Variants in SLC27A5 observed in about 807,000 individuals in gnomAD.
SLC27A5 encodes the protein solute carrier family 27 member 5.
In SLC27A5, 47 loss-of-function variants were observed where a neutral mutation model predicts 63.1. The observed-to-expected ratio is 0.74, with a 90% CI of 0.59 to 0.95. The LOEUF (loss-of-function observed/expected upper bound fraction) is 0.95, where lower values mean the gene tolerates loss of function less well. SLC27A5 is among the 40% of genes least tolerant of loss of function. The pLI, the probability that SLC27A5 is intolerant of heterozygous loss-of-function variation, is 0.00. For missense variants in SLC27A5, 940 were observed against 921.0 expected, an observed-to-expected ratio of 1.02 and a Z score of -0.27; for synonymous variants, 391 against 403.8, an observed-to-expected ratio of 0.97 and a Z score of 0.38.
intron 3 of SLC27A5, among the ~76,000 whole-genome samples, chr19:58,504,876 G>A (rs932284525): frequency 2.6e-5 from 4 of 151,618 alleles, no homozygotes; most frequent in African/African-American, 9.7e-5. Context: ...CGTGGTGGCG[G>A]TCACTTGTAG....
chr19:58,498,735 GC>G, intron 9 of SLC27A5, 44 bp from the exon 10 acceptor site: 2 of 1,609,512 alleles, frequency 1.2e-6, no homozygotes, highest in African/African-American at 1.3e-5. Context: ...ACATCCACCC[GC>G]CCCCTGGCTA....
At chr19:58,499,257 C>G in intron 7 of SLC27A5, 37 bp from the exon 8 acceptor site, 1 of 1,595,586 alleles carries the variant, frequency 6.3e-7, no homozygotes, top group Admixed American at 1.7e-5. Context: ...ACCACGCCCC[C>G]GGGAAGGAGA....
intron 3 of SLC27A5, among the ~76,000 whole-genome samples, chr19:58,506,073 A>G (rs2053343314): frequency 6.6e-6 from 1 of 151,148 alleles, no homozygotes; most frequent in Non-Finnish European, 1.5e-5. Flanking sequence ...ATCGCTCACA[A>G]GTGCTCACCA....
chr19:58,504,116 A>G (rs1460859321), intron 3 of SLC27A5, among the ~76,000 whole-genome samples: 1 of 152,102 alleles, frequency 6.6e-6, no homozygotes. Context: ...CTCTGTCTCT[A>G]AAAACAAAAC....
At chr19:58,501,226 C>G (rs1389345603) in intron 4 of SLC27A5, 60 bp downstream of exon 4, 20 of 1,583,058 alleles carry the variant, frequency 1.3e-5, no homozygotes, top group South Asian at 1.1e-5. Flanking sequence ...TTACCTGAGA[C>G]CTTTACCTGG....
intron 3 of SLC27A5, among the ~76,000 whole-genome samples, chr19:58,502,380 T>A (rs1176927255): frequency 3.5e-5 from 5 of 143,382 alleles, no homozygotes; most frequent in African/African-American, 7.8e-5. Flanking sequence ...AGTGAGTGAG[T>A]AGATGGATGG....
Position 58,511,966 on chromosome 19 carries a change from C to T in SLC27A5, c.-11G>A. On this transcript the variant is annotated 5_prime_UTR_variant, in exon 1 of 10. Coordinates refer to ENST00000263093, the MANE Select transcript of SLC27A5 (RefSeq NM_012254.3). ...TTGCCTGACACCCATGGTACCAGCTCCTCCCTAGGAGCAGCAGCTGTGGAG... is the reference window on the plus strand; with the variant it reads ...TTGCCTGACACCCATGGTACCAGCTTCTCCCTAGGAGCAGCAGCTGTGGAG... The T allele has an allele frequency of 6.5e-7, 1 of 1,527,976 alleles. No homozygotes were observed. Among genetic ancestry groups the T allele is most frequent in the Non-Finnish European group, 8.8e-7 (1 of 1,139,146 alleles). The allele number at this position is 1,527,976 out of a possible 1,614,324, so 94.7% of individuals were successfully genotyped here. A position where few individuals can be genotyped will look rare whatever the true frequency, so the allele number is the denominator to read the frequency against.
chr19:58,510,097 A>C, intron 2 of SLC27A5, 92 bp from the exon 3 acceptor site: 1 of 1,352,354 alleles, frequency 7.4e-7, no homozygotes, highest in South Asian at 1.4e-5. Flanking sequence ...AGCCAGGCCT[A>C]CATTGGGGTT....
chr19:58,501,492 A>T (rs2053273750), intron 3 of SLC27A5, 82 bp from the exon 4 acceptor site: 7 of 1,450,096 alleles, frequency 4.8e-6, no homozygotes, highest in Admixed American at 1.9e-5. Flanking sequence ...GTGCTCACCC[A>T]CCCCCACACC....
At chr19:58,506,712 C>T (rs1007312178) in intron 3 of SLC27A5, among the ~76,000 whole-genome samples, 53 of 150,430 alleles carry the variant, frequency 3.5e-4, no homozygotes, top group African/African-American at 1.2e-3. Flanking sequence ...CAGGTTGAAG[C>T]GATTTTCCTG....
intron 2 of SLC27A5, 187 bp from the exon 3 acceptor site, chr19:58,510,192 C>G (rs2053394159): frequency 5.5e-6 from 3 of 546,508 alleles, no homozygotes; most frequent in Non-Finnish European, 9.5e-6. Context: ...ATGTCAAGAT[C>G]AAAGGTTTCA....
chr19:58,499,360 G>T (rs1568626219), intron 7 of SLC27A5, 132 bp downstream of exon 7: 1 of 1,324,652 alleles, frequency 7.5e-7, no homozygotes, highest in Non-Finnish European at 1.0e-6. Context: ...CCGCCTTCGC[G>T]TGAGAAGTCC....
chr19:58,499,279 T>TCC, intron 7 of SLC27A5, 59 bp from the exon 8 acceptor site: 1 of 1,526,758 alleles, frequency 6.5e-7, no homozygotes, highest in Non-Finnish European at 8.9e-7. Flanking sequence ...GCCCCGCCTC[T>TCC]TGCCCCCGCC....
chr19:58,510,067 C>A, intron 2 of SLC27A5, 62 bp from the exon 3 acceptor site: 1 of 1,532,968 alleles, frequency 6.5e-7, no homozygotes. Context: ...GGGGCCTGAC[C>A]AGAGGGATAG....
At chr19:58,501,620 G>T (rs988487252) in intron 3 of SLC27A5, among the ~76,000 whole-genome samples, 2 of 152,150 alleles carry the variant, frequency 1.3e-5, no homozygotes, top group Non-Finnish European at 2.9e-5. Flanking sequence ...TGCCGGGAAA[G>T]CTCCGTGCCT....
chr19:58,500,754 T>C, intron 4 of SLC27A5, 48 bp from the exon 5 acceptor site: 1 of 1,594,782 alleles, frequency 6.3e-7, no homozygotes, highest in East Asian at 2.2e-5. Flanking sequence ...TCTTGGGGCA[T>C]GCCTTGGAAC....
chr19:58,510,668 C>G (rs1301832088), intron 2 of SLC27A5, 53 bp downstream of exon 2: 1 of 1,445,108 alleles, frequency 6.9e-7, no homozygotes, highest in African/African-American at 1.4e-5. Context: ...AGTGTGGGGT[C>G]AGGTCAGCCT....
At chr19:58,498,982 G>C in intron 8 of SLC27A5, 67 bp from the exon 9 acceptor site, 1 of 1,590,808 alleles carries the variant, frequency 6.3e-7, no homozygotes. Flanking sequence ...CTCCAGCCTC[G>C]CCCAGCTCTG....
At position 58,500,547 on chromosome 19, in the gene SLC27A5, A is replaced by C; in HGVS notation, c.1342T>G (p.Cys448Gly). The part of the protein sequence containing the change: ...NMGLVNYVGR[C>G]GALGKMSCLL... ...CAGCTCATCTTGCCCAGGGCCCCGCAGCGCCCCACATAGTTGACTAAGCCC... is the reference window on the plus strand; with the variant it reads ...CAGCTCATCTTGCCCAGGGCCCCGCCGCGCCCCACATAGTTGACTAAGCCC... Residue 448 changes from cysteine (C) to glycine (G), a missense_variant, in exon 5 of 10, where the codon TGC becomes GGC. Transcript: ENST00000263093. 6.2e-7 allele frequency: 1 copy of C among 1,614,042 alleles called. No homozygotes were observed. Among genetic ancestry groups the C allele is most frequent in the Non-Finnish European group, 8.5e-7 (1 of 1,180,008 alleles).
Sources: allele counts gnomAD v4.1 joint callset (sites outside exome capture counted in the v4.1 genomes callset), GRCh38; gene constraint gnomAD v4.1.1; transcripts MANE v1.5; gene names NCBI Gene and HGNC (gene_info 2026-07-23, HGNC 2026-07-21).